GALNT13: variants seen among roughly 807,000 people sequenced by gnomAD.
GALNT13 encodes the protein polypeptide N-acetylgalactosaminyltransferase 13, also known as UDP-GalNAc:polypeptide N-acetylgalactosaminyltransferase 13.
Under a neutral mutation model 64.2 loss-of-function variants are expected in GALNT13, and 28 were observed. The observed-to-expected ratio is 0.44, with a 90% confidence interval of 0.32 to 0.60. GALNT13 has a LOEUF of 0.60. GALNT13 is among the 20% of genes least tolerant of loss of function. The pLI is 0.05. For missense variants in GALNT13, 577 were observed against 669.8 expected, an observed-to-expected ratio of 0.86 and a Z score of 1.53; for synonymous variants, 214 against 224.6, an observed-to-expected ratio of 0.95 and a Z score of 0.42.
At chr2:153,241,225 G>A in the GALNT13 span, among the ~76,000 whole-genome samples, 249 of 152,224 alleles carry the variant, frequency 1.6e-3, 7 homozygotes, top group East Asian at 0.043. Flanking sequence ...CAGGCCTGAC[G>A]AGGGGAGACT....
chr2:153,650,798 T>G, the GALNT13 span, among the ~76,000 whole-genome samples: 1 of 152,298 alleles, frequency 6.6e-6, no homozygotes, highest in South Asian at 2.1e-4. Context: ...AGCAAATTTT[T>G]TTTTAACTAA....
chr2:153,717,409 T>G, the GALNT13 span, among the ~76,000 whole-genome samples: 1 of 152,242 alleles, frequency 6.6e-6, no homozygotes, highest in Admixed American at 6.5e-5. Flanking sequence ...AGGAAATAAC[T>G]TCTAAACTCT....
At chr2:153,814,469 A>AAG in the GALNT13 span, among the ~76,000 whole-genome samples, 2,307 of 65,262 alleles carry the variant, frequency 0.035, 33 homozygotes, top group East Asian at 0.11. Flanking sequence ...AAGTAAGTAA[A>AAG]TAAATAAATA....
chr2:153,384,140 C>A, the GALNT13 span, among the ~76,000 whole-genome samples: 1 of 152,038 alleles, frequency 6.6e-6, no homozygotes, highest in Non-Finnish European at 1.5e-5. Context: ...TCTCTCTCCA[C>A]TCCTCCCTGT....
At chr2:153,075,040 T>A in the GALNT13 span, among the ~76,000 whole-genome samples, 2 of 152,166 alleles carry the variant, frequency 1.3e-5, no homozygotes, top group African/African-American at 4.8e-5. Flanking sequence ...GCCTACAATA[T>A]TATTAATGCT....
chr2:153,928,031 C>T (rs1055269506), intron 2 of GALNT13, among the ~76,000 whole-genome samples: 17 of 152,160 alleles, frequency 1.1e-4, no homozygotes, highest in Admixed American at 7.2e-4. Flanking sequence ...GCCCCTTCTT[C>T]ATCTCCCCTT....
the GALNT13 span, among the ~76,000 whole-genome samples, chr2:153,567,721 G>A: frequency 3.9e-5 from 6 of 152,108 alleles, no homozygotes; most frequent in Non-Finnish European, 8.8e-5. Context: ...TGGGTGGTTA[G>A]GCAAAAATTG....
the GALNT13 span, among the ~76,000 whole-genome samples, chr2:153,157,943 G>C: frequency 6.6e-6 from 1 of 152,054 alleles, no homozygotes; most frequent in African/African-American, 2.4e-5. Context: ...AATGTAACTT[G>C]ACTCTAGAGT....
intron 3 of GALNT13, among the ~76,000 whole-genome samples, chr2:154,118,255 T>G (rs73003255): frequency 0.081 from 12,259 of 151,318 alleles, 861 homozygotes; most frequent in African/African-American, 0.18. Context: ...AATTGACCTC[T>G]TATCATTATA....
chr2:154,234,711 G>A (rs998516674), intron 4 of GALNT13, among the ~76,000 whole-genome samples: 1 of 152,106 alleles, frequency 6.6e-6, no homozygotes, highest in African/African-American at 2.4e-5. Flanking sequence ...GCAGAGATAT[G>A]ACTGGGGAGT....
intron 3 of GALNT13, among the ~76,000 whole-genome samples, chr2:154,036,821 G>A (rs1441276699): frequency 6.6e-6 from 1 of 151,846 alleles, no homozygotes; most frequent in Non-Finnish European, 1.5e-5. Flanking sequence ...AAACACTTGT[G>A]GAATTTTAAA....
the GALNT13 span, among the ~76,000 whole-genome samples, chr2:153,721,889 A>T: frequency 4.2e-4 from 64 of 151,220 alleles, no homozygotes; most frequent in East Asian, 0.011. Flanking sequence ...TCAACATTAT[A>T]CAGATCAACG....
At chr2:153,467,627 G>GT in the GALNT13 span, among the ~76,000 whole-genome samples, 1 of 152,008 alleles carries the variant, frequency 6.6e-6, no homozygotes, top group East Asian at 1.9e-4. Flanking sequence ...ATGCGATGAT[G>GT]TAACTTCTAG....
intron 11 of GALNT13, among the ~76,000 whole-genome samples, chr2:154,427,193 A>G (rs999210344): frequency 1.3e-5 from 2 of 152,208 alleles, no homozygotes; most frequent in African/African-American, 4.8e-5. Flanking sequence ...CCTTTTTCTC[A>G]GATGAGGAAT....
At chr2:154,382,301 T>C (rs1251907640) in intron 9 of GALNT13, among the ~76,000 whole-genome samples, 1 of 152,072 alleles carries the variant, frequency 6.6e-6, no homozygotes, top group Non-Finnish European at 1.5e-5. Context: ...GACTATTATG[T>C]AGAAGAATAT....
At chr2:153,187,434 G>A in the GALNT13 span, 1 of 152,232 alleles carries the variant, frequency 6.6e-6, no homozygotes. Flanking sequence ...CACAGTCAGA[G>A]TGAGACATTT....
the GALNT13 span, among the ~76,000 whole-genome samples, chr2:153,246,111 A>C: frequency 1.4e-4 from 22 of 152,126 alleles, no homozygotes; most frequent in African/African-American, 5.3e-4. Flanking sequence ...AAAAGGAAAA[A>C]AAAAATGAAC....
At chr2:153,276,666 T>C in the GALNT13 span, among the ~76,000 whole-genome samples, 27 of 151,070 alleles carry the variant, frequency 1.8e-4, no homozygotes, top group Admixed American at 1.7e-3. Flanking sequence ...GATGACTAAG[T>C]TGAGTACCTT....
chr2:153,182,015 T>G, the GALNT13 span, among the ~76,000 whole-genome samples: 3 of 151,390 alleles, frequency 2.0e-5, no homozygotes, highest in South Asian at 6.2e-4. Context: ...CATCCATTTT[T>G]CTTAATAATA....
Sources: allele counts gnomAD v4.1 joint callset (sites outside exome capture counted in the v4.1 genomes callset), GRCh38; gene constraint gnomAD v4.1.1; transcripts MANE v1.5; gene names NCBI Gene and HGNC (gene_info 2026-07-23, HGNC 2026-07-21).